Variants in RNPEP observed in about 807,000 individuals in gnomAD.
RNPEP encodes the protein arginyl aminopeptidase, also known as aminopeptidase B.
A neutral mutation model predicts 70.1 loss-of-function variants in RNPEP; 57 were observed. That is an observed-to-expected ratio of 0.81 (90% CI 0.66 to 1.01). RNPEP has a LOEUF of 1.01. RNPEP is among the 50% of genes least tolerant of loss of function. The probability of loss-of-function intolerance (pLI) is 0.00; values close to 1 mark genes in which losing one functional copy is unlikely to be tolerated. For synonymous variants in RNPEP, 335 were observed against 357.4 expected, an observed-to-expected ratio of 0.94 and a Z score of 0.71; for missense variants, 787 against 852.4, an observed-to-expected ratio of 0.92 and a Z score of 0.96.
intron 6 of RNPEP, among the ~76,000 whole-genome samples, chr1:202,000,852 C>T (rs1683766730): frequency 6.7e-6 from 1 of 150,116 alleles, no homozygotes. Flanking sequence ...TGAGATCGTG[C>T]CACTGCACTC....
At chr1:202,001,531 C>T (rs1010639392) in intron 7 of RNPEP, 43 bp downstream of exon 7, 3 of 1,510,988 alleles carry the variant, frequency 2.0e-6, no homozygotes, top group African/African-American at 2.7e-5. Context: ...CGGATAAAGC[C>T]ACTGGGCCTG....
Position 201,989,408 on chromosome 1 carries a change from T to G in RNPEP, c.614T>G (p.Met205Arg), listed in dbSNP as rs1571625726. 1.2e-6 allele frequency: 2 copies of G among 1,614,104 alleles called. No homozygotes were observed. The highest frequency in any genetic ancestry group is 4.5e-5 in the East Asian group (2 of 44,898). ...IEVPDGFTAV[M>R]SASTWEKRGP... ...GTCCCAGATGGCTTCACAGCTGTGA[T>G]GAGTGCTAGCACCTGGGAGAAGAGA... Residue 205 changes from methionine to arginine, a missense_variant, in exon 3 of 11, where the codon ATG (methionine) becomes AGG (arginine). Coordinates refer to ENST00000295640, the MANE Select transcript of RNPEP (RefSeq NM_020216.4).
At chr1:201,985,370 T>C (rs1053038448) in intron 1 of RNPEP, among the ~76,000 whole-genome samples, 4 of 151,936 alleles carry the variant, frequency 2.6e-5, no homozygotes, top group Non-Finnish European at 5.9e-5. Flanking sequence ...GCCTCCTGAG[T>C]AGCTGGGGTA....
intron 8 of RNPEP, 98 bp from the exon 9 acceptor site, chr1:202,003,139 G>A (rs1462864953): frequency 6.5e-6 from 5 of 767,466 alleles, no homozygotes; most frequent in East Asian, 2.7e-5. Context: ...AGTTTGGGAT[G>A]GAGAGAGGAG....
rs991445663 is a variant in RNPEP, at chr1:202,005,639, T to C, written c.1876T>C (p.Phe626Leu). The C allele has an allele frequency of 1.4e-5, 23 of 1,614,014 alleles. No individual in the cohort carries two copies. The highest frequency in any genetic ancestry group is 1.7e-5 in the Non-Finnish European group (20 of 1,180,028). ...GGCCCAGACCCTCGCCAAGGAGACT[T>C]TTGCATCCACCGCCTCCCAGCTCCA... ...EVAQTLAKET[F>L]ASTASQLHSN... Residue 626 changes from phenylalanine (F) to leucine (L), a missense_variant, in exon 11 of 11, where the codon TTT becomes CTT. Transcript: ENST00000295640.
intron 1 of RNPEP, among the ~76,000 whole-genome samples, chr1:201,984,821 CTTTTTTTTTTTTTTTTT>C (rs200795347): frequency 0.032 from 3,923 of 122,064 alleles, 439 homozygotes; most frequent in African/African-American, 0.12. Flanking sequence ...GTATTTCTTT[CTTTTTTTTTTTTTTTTT>C]TTTTTTTTTT....
chr1:202,001,586 A>G lies in RNPEP; in HGVS notation c.1318-73A>G. On this transcript the variant is annotated intron_variant, in intron 7 of 10. Coordinates refer to ENST00000295640, the MANE Select transcript of RNPEP (RefSeq NM_020216.4). ...GGCGAAAGATGTAAGGGGTTGGAGG[A>G]GGACCCAGGACACAGAGGGACACCA... The G allele has an allele frequency of 7.0e-6, 10 of 1,432,200 alleles. No homozygotes were observed. The South Asian group carries it at 1.1e-4, about 16-fold the overall frequency. The allele number at this position is 1,432,200 out of a possible 1,614,324, so 88.7% of individuals were successfully genotyped here.
At chr1:201,998,240 T>TTC (rs1683642854) in intron 5 of RNPEP, among the ~76,000 whole-genome samples, 1 of 149,594 alleles carries the variant, frequency 6.7e-6, no homozygotes, top group East Asian at 1.9e-4. Context: ...CTTTTTTTTT[T>TTC]TTTTTTTTTT....
chr1:202,005,862 C>A lies in RNPEP; in HGVS notation c.*146C>A. 1 of 953,868 alleles carries A rather than the reference C, an allele frequency of 1.0e-6. No individual in the cohort carries two copies. Among genetic ancestry groups the A allele is most frequent in the Non-Finnish European group, 1.6e-6 (1 of 644,958 alleles). The allele number at this position is 953,868 out of a possible 1,614,324, so 59.1% of individuals were successfully genotyped here. On this transcript the variant is annotated 3_prime_UTR_variant, in exon 11 of 11. Transcript: ENST00000295640. Reference sequence around the variant, plus strand: ...TTCTCTAGCTTAGGTATCTGTGACTCTTGGGCCTCTGCTCTGGTGGGAACT... The same window carrying A: ...TTCTCTAGCTTAGGTATCTGTGACTATTGGGCCTCTGCTCTGGTGGGAACT...
Position 201,983,038 on chromosome 1 carries a change from G to A in RNPEP, c.372G>A (p.Val124=). 1 of 1,527,948 alleles carries A rather than the reference G, an allele frequency of 6.5e-7. No individual in the cohort carries two copies. Among genetic ancestry groups the A allele is most frequent in the Non-Finnish European group, 8.8e-7 (1 of 1,140,698 alleles). The allele number at this position is 1,527,948 out of a possible 1,614,324, so 94.6% of individuals were successfully genotyped here. Residue 124 remains valine, a synonymous_variant, in exon 1 of 11, where the codon GTG becomes GTA. Coordinates refer to ENST00000295640, the MANE Select transcript of RNPEP (RefSeq NM_020216.4). ...CGCACTATGGCCAGGCCCTGTGCGTGTCCTTCCCGCAGCCCTGCCGCGCCG... is the reference window on the plus strand; with the variant it reads ...CGCACTATGGCCAGGCCCTGTGCGTATCCTTCCCGCAGCCCTGCCGCGCCG... The part of the protein sequence containing the change: ...PFSHYGQALC[V]SFPQPCRAAE...
chr1:201,985,673 A>G (rs117262471), intron 1 of RNPEP, among the ~76,000 whole-genome samples: 7,565 of 152,286 alleles, frequency 0.05, 249 homozygotes, highest in South Asian at 0.12. Context: ...CATTTGTTAC[A>G]ATTAAACAAT....
chr1:202,002,143 A>C (rs1481600685), intron 8 of RNPEP, among the ~76,000 whole-genome samples: 3 of 145,344 alleles, frequency 2.1e-5, no homozygotes, highest in Non-Finnish European at 4.5e-5. Flanking sequence ...GGCCCTCCTT[A>C]TTTCTTTCTT....
intron 1 of RNPEP, 48 bp downstream of exon 1, chr1:201,983,161 G>A (rs1683002307): frequency 7.0e-7 from 1 of 1,425,372 alleles, no homozygotes; most frequent in African/African-American, 1.5e-5. Context: ...TGCCCTTCCG[G>A]CCCCCAGCCG....
At chr1:201,997,260 G>A (rs79484679) in intron 4 of RNPEP, 59 bp from the exon 5 acceptor site, 16,264 of 1,300,562 alleles carry the variant, frequency 0.013, 144 homozygotes, top group Non-Finnish European at 0.016. Flanking sequence ...AAAGGGAGGC[G>A]AGGTAGGGTC....
In RNPEP at chr1:201,984,821, C is replaced by CTTTTTTTTTTTTTTTTTTTT. The variant is rs200795347; in HGVS notation, c.447+1725_447+1744dup. Among the ~76,000 whole-genome samples, 17 of 122,042 alleles carry CTTTTTTTTTTTTTTTTTTTT rather than the reference C, an allele frequency of 1.4e-4. 1 individual carries two copies. Among genetic ancestry groups the CTTTTTTTTTTTTTTTTTTTT allele is most frequent in the East Asian group, 7.2e-4 (3 of 4,190 alleles). The allele number at this position is 122,042 out of a possible 152,430, so 80.1% of individuals were successfully genotyped here. On this transcript the variant is annotated intron_variant, in intron 1 of 10. Transcript: ENST00000295640. ...TTACTGCTAACTTTTGTATTTCTTT[C>CTTTTTTTTTTTTTTTTTTTT]TTTTTTTTTTTTTTTTTTTTTTTTT...
At chr1:201,998,977 C>T (rs573998360) in intron 5 of RNPEP, among the ~76,000 whole-genome samples, 17 of 152,226 alleles carry the variant, frequency 1.1e-4, no homozygotes, top group African/African-American at 3.4e-4. Context: ...TGGTGGCTCA[C>T]GCCTGAGGCA....
At chr1:201,987,690 G>A (rs4950754) in intron 1 of RNPEP, among the ~76,000 whole-genome samples, 81,791 of 151,286 alleles carry the variant, frequency 0.54, 22,661 homozygotes, top group Non-Finnish European at 0.6. Context: ...CACCTGCGTC[G>A]GACTCCCAAA....
At chr1:202,004,950 C>A (rs1237278649) in intron 10 of RNPEP, among the ~76,000 whole-genome samples, 1 of 152,166 alleles carries the variant, frequency 6.6e-6, no homozygotes, top group Non-Finnish European at 1.5e-5. Context: ...AGGCCCCGGG[C>A]TCTCAGGATG....
At chr1:202,001,141 T>C (rs1683784131) in intron 6 of RNPEP, 1 of 526,186 alleles carries the variant, frequency 1.9e-6, no homozygotes. Context: ...GAGGCCAATA[T>C]CTGGAGAGAG....
Sources: gnomAD v4.1 joint callset for allele counts (sites outside exome capture counted in the v4.1 genomes callset) on GRCh38, gnomAD v4.1.1 for gene constraint, MANE v1.5 for transcripts, NCBI Gene and HGNC (gene_info 2026-07-23, HGNC 2026-07-21) for gene names.